The following ABAT variants were observed in gnomAD, a reference collection of about 807,000 sequenced individuals.
ABAT encodes 4-aminobutyrate aminotransferase, mitochondrial.
In ABAT, 45 loss-of-function variants were observed where a neutral mutation model predicts 64.6. The ratio of observed to expected loss-of-function variants is 0.70; its 90% CI spans 0.55 to 0.89. The LOEUF (loss-of-function observed/expected upper bound fraction) is 0.89, where lower values mean the gene tolerates loss of function less well. Among genes scored for constraint, ABAT ranks in the 40% least tolerant of loss-of-function variants. The pLI is 0.00. For synonymous variants in ABAT, 297 were observed against 250.5 expected, an observed-to-expected ratio of 1.19 and a Z score of -1.75; for missense variants, 633 against 658.4, an observed-to-expected ratio of 0.96 and a Z score of 0.42.
Position 8,781,388 on chromosome 16 carries a change from G to A in ABAT, c.1461G>A (p.Leu487=), listed in dbSNP as rs144933708. The A allele has an allele frequency of 6.2e-7, 1 of 1,614,170 alleles. No homozygotes were observed. The highest frequency in any genetic ancestry group is 1.1e-5 in the South Asian group (1 of 91,078). Residue 487 remains leucine, a synonymous_variant, in exon 16 of 16, where the codon CTG becomes CTA. Coordinates refer to ENST00000268251, the MANE Select transcript of ABAT (RefSeq NM_020686.6). The surrounding 1 kb of genome is among the most constrained non-coding windows in gnomAD (Gnocchi z 4.5). The part of the protein sequence containing the change: ...TLVFRDHHAH[L]FLNIFSDILA... Reference sequence around the variant, plus strand: ...TCTTCAGGGATCACCACGCTCACCTGTTCCTCAATATTTTCAGTGACATCT... The same window carrying A: ...TCTTCAGGGATCACCACGCTCACCTATTCCTCAATATTTTCAGTGACATCT...
intron 8 of ABAT, 190 bp from the exon 9 acceptor site, chr16:8,766,018 T>C (rs950642547): frequency 1.7e-6 from 1 of 599,972 alleles, no homozygotes; most frequent in Non-Finnish European, 3.1e-6. Context: ...TTATGTGTGT[T>C]AGTTTCTTTT....
intron 1 of ABAT, among the ~76,000 whole-genome samples, chr16:8,676,489 C>T (rs548074137): frequency 1.3e-5 from 2 of 152,154 alleles, no homozygotes; most frequent in African/African-American, 2.4e-5. Flanking sequence ...GGTCATGAAG[C>T]CAGGAAGGGG....
chr16:8,754,489 G>T (rs1362796989), intron 5 of ABAT, among the ~76,000 whole-genome samples: 1 of 152,166 alleles, frequency 6.6e-6, no homozygotes, highest in Non-Finnish European at 1.5e-5. Flanking sequence ...TGCAGCGATT[G>T]CATGTTCAAA....
At chr16:8,770,631 A>G (rs1411049638) in intron 11 of ABAT, among the ~76,000 whole-genome samples, 1 of 151,696 alleles carries the variant, frequency 6.6e-6, no homozygotes, top group Non-Finnish European at 1.5e-5. Context: ...TTGCAGAAAC[A>G]GGTTTTGCCG....
intron 1 of ABAT, among the ~76,000 whole-genome samples, chr16:8,709,764 A>C (rs1640980): frequency 0.69 from 104,772 of 151,758 alleles, 37,081 homozygotes; most frequent in East Asian, 0.89. Flanking sequence ...TGGCAATCAG[A>C]AAGATGTAGG....
At chr16:8,777,335 C>T (rs1015548851) in intron 14 of ABAT, among the ~76,000 whole-genome samples, 4 of 152,134 alleles carry the variant, frequency 2.6e-5, no homozygotes, top group Non-Finnish European at 2.9e-5. Context: ...CACTCGGCAG[C>T]ACTGCCCTCC....
intron 6 of ABAT, among the ~76,000 whole-genome samples, chr16:8,760,978 C>T (rs1202255456): frequency 6.6e-6 from 1 of 152,158 alleles, no homozygotes; most frequent in Non-Finnish European, 1.5e-5. Context: ...ACTCAGGAGG[C>T]TGAGGTGGGA....
intron 2 of ABAT, chr16:8,736,021 C>T (rs985501187): frequency 1.8e-6 from 1 of 558,318 alleles, no homozygotes; most frequent in Admixed American, 3.0e-5. Flanking sequence ...AATGGTCTCA[C>T]AGTTTCATAT....
chr16:8,742,662 C>G (rs1451198728), intron 2 of ABAT, among the ~76,000 whole-genome samples: 2 of 151,912 alleles, frequency 1.3e-5, no homozygotes, highest in African/African-American at 4.8e-5. Flanking sequence ...CTCAGGAGTT[C>G]CAGACCATCC....
rs2060225110 is a variant in ABAT, at chr16:8,775,010, A to G, written c.1075A>G (p.Met359Val). The G allele has an allele frequency of 1.2e-6, 2 of 1,614,234 alleles. No homozygotes were observed. Among genetic ancestry groups the G allele is most frequent in the Non-Finnish European group, 1.7e-6 (2 of 1,180,040 alleles). ...PADVMTFSKKMMTGGFFHKEE... is the reference protein window; with the variant it reads ...PADVMTFSKKVMTGGFFHKEE... ...AGACGTGATGACCTTCAGCAAGAAG[A>G]TGATGACTGGGGGCTTCTTCCACAA... The change falls in exon 13 of 16, where the codon ATG becomes GTG. Residue 359 changes from methionine to valine, a missense_variant. By Grantham distance (21) the Met-to-Val change is conservative. Transcript: ENST00000268251.
chr16:8,772,584 G>A (rs990562695), intron 11 of ABAT, among the ~76,000 whole-genome samples, 196 bp from the exon 12 acceptor site: 2 of 152,220 alleles, frequency 1.3e-5, no homozygotes, highest in South Asian at 2.1e-4. Flanking sequence ...CCACCCAGGT[G>A]CTAGCACCGA....
At chr16:8,740,365 G>C (rs2059128944) in intron 2 of ABAT, among the ~76,000 whole-genome samples, 1 of 152,230 alleles carries the variant, frequency 6.6e-6, no homozygotes, top group African/African-American at 2.4e-5. Flanking sequence ...GGAGCTGTCA[G>C]CTGGGGCTGT....
At chr16:8,719,164 TC>T (rs1370009486) in intron 1 of ABAT, among the ~76,000 whole-genome samples, 1 of 152,140 alleles carries the variant, frequency 6.6e-6, no homozygotes, top group Non-Finnish European at 1.5e-5. Flanking sequence ...CTGAGGAATC[TC>T]TGGGGCTCGG....
At chr16:8,686,112 G>A (rs996453518) in intron 1 of ABAT, among the ~76,000 whole-genome samples, 1 of 152,228 alleles carries the variant, frequency 6.6e-6, no homozygotes, top group Non-Finnish European at 1.5e-5. Context: ...CACCCCGGCA[G>A]GACAGGGCTG....
Position 8,746,117 on chromosome 16 carries a change from A to AGT in ABAT, c.168+21_168+22dup. 1.3e-6 allele frequency: 2 copies of AGT among 1,598,474 alleles called. No homozygotes were observed. The highest frequency in any genetic ancestry group is 1.7e-6 in the Non-Finnish European group (2 of 1,166,974). ...ATCTCAGGTGAGTTGAGCACACCTG[A>AGT]GTGGGGTATTTTGGAAAAGGGAAAA... On this transcript the variant is annotated intron_variant, in intron 3 of 15. Coordinates refer to ENST00000268251, the MANE Select transcript of ABAT (RefSeq NM_020686.6).
chr16:8,708,061 C>T (rs1387179686), intron 1 of ABAT, among the ~76,000 whole-genome samples: 2 of 152,102 alleles, frequency 1.3e-5, no homozygotes, highest in African/African-American at 4.8e-5. Context: ...ATATGTGATC[C>T]CATGAAAGAG....
chr16:8,770,429 G>A (rs532011360), intron 11 of ABAT, among the ~76,000 whole-genome samples: 6 of 151,336 alleles, frequency 4.0e-5, no homozygotes, highest in Non-Finnish European at 5.9e-5. Context: ...GAGCCACCGC[G>A]CCGGCCTTCT....
At chr16:8,726,835 A>G (rs2058572306) in intron 1 of ABAT, among the ~76,000 whole-genome samples, 1 of 152,204 alleles carries the variant, frequency 6.6e-6, no homozygotes, top group South Asian at 2.1e-4. Flanking sequence ...CCTTTGCTCC[A>G]CATCCTCTCC....
At chr16:8,751,124 T>A (rs1305680073) in intron 5 of ABAT, among the ~76,000 whole-genome samples, 1 of 152,040 alleles carries the variant, frequency 6.6e-6, no homozygotes. Flanking sequence ...AATTTTTGCA[T>A]TTTTAGTAGA....
Sources: gnomAD v4.1 joint callset for allele counts (sites outside exome capture counted in the v4.1 genomes callset) on GRCh38, gnomAD v4.1.1 for gene constraint, Gnocchi (gnomAD v3.1) non-coding constraint, MANE v1.5 for transcripts, NCBI Gene and HGNC (gene_info 2026-07-23, HGNC 2026-07-21) for gene names.